CYRIA: variants seen among roughly 807,000 people sequenced by gnomAD.
CYRIA encodes CYFIP-related Rac1 interactor A.
CYRIA carries 15 observed loss-of-function variants against 43.9 expected under a neutral mutation model. The ratio of observed to expected loss-of-function variants is 0.34; its 90% CI spans 0.23 to 0.53. The LOEUF (loss-of-function observed/expected upper bound fraction) is 0.53. Among genes scored for constraint, CYRIA ranks in the 20% least tolerant of loss-of-function variants. CYRIA has a pLI of 0.94. For synonymous variants in CYRIA, 117 were observed against 136.0 expected (o/e 0.86, Z 0.97); for missense variants, 236 against 394.2 (o/e 0.60, Z 3.40).
intron 10 of CYRIA, among the ~76,000 whole-genome samples, chr2:16,557,634 C>T (rs942879660): frequency 6.6e-6 from 1 of 152,120 alleles, no homozygotes; most frequent in Non-Finnish European, 1.5e-5. Context: ...TATGAACAAA[C>T]CTTACGTAGT....
At chr2:16,583,640 T>C (rs1294515337) in intron 3 of CYRIA, among the ~76,000 whole-genome samples, 2 of 152,138 alleles carry the variant, frequency 1.3e-5, no homozygotes, top group African/African-American at 4.8e-5. Context: ...CAATCTTGAG[T>C]AGAACTTCAG....
intron 1 of CYRIA, among the ~76,000 whole-genome samples, chr2:16,635,976 C>T (rs900498074): frequency 6.6e-6 from 1 of 152,096 alleles, no homozygotes; most frequent in African/African-American, 2.4e-5. Flanking sequence ...GAAACGCGAC[C>T]GACATTGTGG....
At chr2:16,665,005 T>C (rs1250350981) in intron 1 of CYRIA, among the ~76,000 whole-genome samples, 4 of 152,130 alleles carry the variant, frequency 2.6e-5, no homozygotes, top group Non-Finnish European at 4.4e-5. Context: ...ACAAAGATCT[T>C]GGCCCTGGTC....
intron 9 of CYRIA, chr2:16,560,645 A>G (rs749284878): frequency 1.1e-5 from 3 of 262,672 alleles, no homozygotes; most frequent in Non-Finnish European, 2.2e-5. Flanking sequence ...CTGGTTTTAT[A>G]TCTTCTCTAC....
At chr2:16,657,186 T>C (rs1301157438) in intron 1 of CYRIA, among the ~76,000 whole-genome samples, 3 of 152,274 alleles carry the variant, frequency 2.0e-5, no homozygotes, top group African/African-American at 7.2e-5. Context: ...CAAGCTCACT[T>C]TACAACCAAA....
At chr2:16,599,721 C>G (rs1317698959) in intron 2 of CYRIA, among the ~76,000 whole-genome samples, 2 of 151,738 alleles carry the variant, frequency 1.3e-5, no homozygotes, top group Admixed American at 6.6e-5. Flanking sequence ...AGCTGTAGAC[C>G]GGAGCTGTTC....
At chr2:16,620,985 G>A (rs1668974807) in intron 2 of CYRIA, among the ~76,000 whole-genome samples, 2 of 152,106 alleles carry the variant, frequency 1.3e-5, no homozygotes, top group Admixed American at 1.3e-4. Context: ...TCTGGGTCAG[G>A]GACTCCTCCT....
intron 2 of CYRIA, among the ~76,000 whole-genome samples, chr2:16,614,700 G>A (rs944962588): frequency 2.6e-5 from 4 of 152,124 alleles, no homozygotes; most frequent in Admixed American, 2.0e-4. Context: ...ATAATCTCAG[G>A]TCCTCTGGTA....
At chr2:16,639,959 G>A (rs763414955) in intron 1 of CYRIA, among the ~76,000 whole-genome samples, 10 of 152,154 alleles carry the variant, frequency 6.6e-5, no homozygotes, top group African/African-American at 9.7e-5. Flanking sequence ...CCCTTTAAGA[G>A]CTTTTTTATT....
chr2:16,621,620 G>C (rs1220000582), intron 2 of CYRIA, among the ~76,000 whole-genome samples: 1 of 152,098 alleles, frequency 6.6e-6, no homozygotes, highest in African/African-American at 2.4e-5. Flanking sequence ...CAATCCTACT[G>C]GTCACTCGAG....
In CYRIA at chr2:16,655,694, C is replaced by T. The variant is rs1382311419; in HGVS notation, c.-167+10086G>A. Among the ~76,000 whole-genome samples the T allele has an allele frequency of 3.9e-5, 6 of 152,100 alleles. No homozygotes were observed. The East Asian group carries it at 1.2e-3, about 29-fold the overall frequency. On this transcript the variant is annotated intron_variant, in intron 1 of 11. Transcript: ENST00000381323. The stretch of plus-strand genomic sequence containing the variant: ...AGCTGCAGCACAGCTTCTCCTGCTC[C>T]CTCCCTTTCTTTTCTCTTTCATAAT...
At position 16,551,730 on chromosome 2, in the gene CYRIA, G is replaced by A. The variant is rs535763140; in HGVS notation, c.*1206C>T. On this transcript the variant is annotated 3_prime_UTR_variant, in exon 12 of 12. Transcript: ENST00000381323. The stretch of plus-strand genomic sequence containing the variant: ...GAAGGGCGGAGTCAGTCATTTTATC[G>A]GCATTAACCTTACAGGGCTCTTGAA... 6 of 152,040 alleles carry A rather than the reference G, an allele frequency of 3.9e-5. No homozygotes were observed. The highest frequency in any genetic ancestry group is 5.9e-5 in the Non-Finnish European group (4 of 67,994). 9.4% of individuals were successfully genotyped at this position (152,040 alleles called of 1,614,324 possible). A position where few individuals can be genotyped will look rare whatever the true frequency, so the allele number is the denominator to read the frequency against.
At chr2:16,575,501 G>A (rs1667299575) in intron 3 of CYRIA, among the ~76,000 whole-genome samples, 2 of 152,258 alleles carry the variant, frequency 1.3e-5, no homozygotes, top group Non-Finnish European at 2.9e-5. Context: ...ATGGGGGTAA[G>A]TCTTTCCTAG....
intron 3 of CYRIA, among the ~76,000 whole-genome samples, chr2:16,585,876 A>G (rs1406170716): frequency 6.6e-6 from 1 of 152,136 alleles, no homozygotes; most frequent in Admixed American, 6.6e-5. Context: ...TGCTCAGGAG[A>G]ATACCAGTTG....
chr2:16,660,822 T>A (rs1359154581), intron 1 of CYRIA, among the ~76,000 whole-genome samples: 2 of 152,116 alleles, frequency 1.3e-5, no homozygotes, highest in East Asian at 3.9e-4. Flanking sequence ...TAGAAACACA[T>A]CTGTCTGCAG....
chr2:16,589,654 A>G (rs1413721315), intron 2 of CYRIA, among the ~76,000 whole-genome samples: 3 of 152,034 alleles, frequency 2.0e-5, no homozygotes, highest in African/African-American at 7.2e-5. Flanking sequence ...AAAAGTATAA[A>G]ATGCTTAGCA....
At chr2:16,578,175 C>T (rs1226693288) in intron 3 of CYRIA, among the ~76,000 whole-genome samples, 1 of 152,206 alleles carries the variant, frequency 6.6e-6, no homozygotes, top group Admixed American at 6.5e-5. Flanking sequence ...TCCCTCAAAT[C>T]TGAAATTTAC....
chr2:16,649,096 A>G, intron 1 of CYRIA, among the ~76,000 whole-genome samples: 1 of 152,236 alleles, frequency 6.6e-6, no homozygotes, highest in Admixed American at 6.5e-5. Context: ...TAACAACAAT[A>G]AAGCATAATG....
At chr2:16,649,742 G>C (rs1448721258) in intron 1 of CYRIA, among the ~76,000 whole-genome samples, 2 of 152,088 alleles carry the variant, frequency 1.3e-5, no homozygotes, top group Non-Finnish European at 2.9e-5. Flanking sequence ...ATACAGCACA[G>C]GGCACGGTTG....
Sources: gnomAD v4.1 joint callset for allele counts (sites outside exome capture counted in the v4.1 genomes callset) on GRCh38, gnomAD v4.1.1 for gene constraint, MANE v1.5 for transcripts, NCBI Gene and HGNC (gene_info 2026-07-23, HGNC 2026-07-21) for gene names.